The following BRINP3 variants were observed in gnomAD, a reference collection of about 807,000 sequenced individuals.
BRINP3 encodes the protein BMP/retinoic acid inducible neural specific 3.
In BRINP3, 19 loss-of-function variants were observed where a neutral mutation model predicts 71.0. The ratio of observed to expected loss-of-function variants is 0.27; its 90% confidence interval spans 0.19 to 0.39. The LOEUF (loss-of-function observed/expected upper bound fraction) is 0.39, where lower values mean the gene tolerates loss of function less well. Ranked by LOEUF, BRINP3 falls within the 10% of genes least tolerant of loss-of-function variation. BRINP3 has a pLI of 1.00. For synonymous variants in BRINP3, 380 were observed against 337.7 expected, an observed-to-expected ratio of 1.13 and a Z score of -1.37; for missense variants, 959 against 940.8, an observed-to-expected ratio of 1.02 and a Z score of -0.25.
chr1:190,382,172 A>C (rs554583050), intron 2 of BRINP3, among the ~76,000 whole-genome samples: 10 of 130,714 alleles, frequency 7.7e-5, no homozygotes, highest in African/African-American at 2.5e-4. Flanking sequence ...GACATGAAAT[A>C]CAAAATCAGA....
At chr1:190,331,308 C>G (rs191482311) in intron 2 of BRINP3, among the ~76,000 whole-genome samples, 263 of 151,922 alleles carry the variant, frequency 1.7e-3, no homozygotes, top group Non-Finnish European at 3.0e-3. Flanking sequence ...TGTATGTACC[C>G]AAAGACTTTT....
Position 190,241,966 on chromosome 1 carries a change from C to G in BRINP3, c.619-7489G>C, listed in dbSNP as rs997387129. On this transcript the variant is annotated intron_variant, in intron 4 of 7. Coordinates refer to ENST00000367462, the MANE Select transcript of BRINP3 (RefSeq NM_199051.3). ...AATATTGAGTTTAAAGGTAATTTTA[C>G]CATTTAATATTTTTCCTCTGATAGT... is the stretch of plus-strand genomic sequence containing the variant. Among the ~76,000 whole-genome samples, 9 of 151,440 alleles carry G rather than the reference C, an allele frequency of 5.9e-5. No individual in the cohort carries two copies. The East Asian group carries it at 1.8e-3, about 30-fold the overall frequency.
At chr1:190,170,597 A>G (rs1651929621) in intron 6 of BRINP3, among the ~76,000 whole-genome samples, 1 of 152,180 alleles carries the variant, frequency 6.6e-6, no homozygotes, top group South Asian at 2.1e-4. Context: ...TATGTTTTAC[A>G]ATTCTAAGAC....
intron 6 of BRINP3, among the ~76,000 whole-genome samples, chr1:190,168,940 A>G (rs12080072): frequency 0.021 from 3,196 of 152,186 alleles, 106 homozygotes; most frequent in African/African-American, 0.073. Context: ...TTTTTCTTTC[A>G]TATGTCAGTT....
chr1:190,325,765 T>G (rs917305538), intron 2 of BRINP3, among the ~76,000 whole-genome samples: 1 of 152,116 alleles, frequency 6.6e-6, no homozygotes, highest in Non-Finnish European at 1.5e-5. Flanking sequence ...TCATTTGCAC[T>G]GCCCTTATCC....
chr1:190,234,799 G>A (rs1454650821), intron 4 of BRINP3, among the ~76,000 whole-genome samples: 1 of 152,106 alleles, frequency 6.6e-6, no homozygotes, highest in Non-Finnish European at 1.5e-5. Flanking sequence ...ATGGAAGACA[G>A]CGAGTTCTGA....
intron 4 of BRINP3, among the ~76,000 whole-genome samples, chr1:190,234,933 T>C (rs546315831): frequency 6.6e-6 from 1 of 152,270 alleles, no homozygotes; most frequent in African/African-American, 2.4e-5. Context: ...CCCATTTTTA[T>C]GTTGGCATGA....
At position 190,097,861 on chromosome 1, in the gene BRINP3, A is replaced by T; in HGVS notation, c.*157T>A. The T allele has an allele frequency of 1.3e-6, 1 of 779,652 alleles. No homozygotes were observed. The highest frequency in any genetic ancestry group is 2.0e-6 in the Non-Finnish European group (1 of 495,032). 48.3% of individuals were successfully genotyped at this position (779,652 alleles called of 1,614,324 possible). ...ACTGCTGTATAATATATTCATTGTC[A>T]GCAAGTTCATGTGTGTAAATTGCCA... On this transcript the variant is annotated 3_prime_UTR_variant, in exon 8 of 8. Transcript: ENST00000367462.
chr1:190,166,750 G>A (rs988571383), intron 6 of BRINP3, among the ~76,000 whole-genome samples: 1 of 151,896 alleles, frequency 6.6e-6, no homozygotes. Flanking sequence ...TTAAGATGGG[G>A]TCTCACTCTA....
rs374344704 is a variant in BRINP3 at position 190,226,075 on chromosome 1, G to A, written c.961+7C>T. 6 of 1,546,974 alleles carry A rather than the reference G, an allele frequency of 3.9e-6. No homozygotes were observed. In the African/African-American group the frequency reaches 4.1e-5, roughly 11 times the overall value. On this transcript the variant is annotated splice_region_variant and intron_variant, in intron 6 of 7. Coordinates refer to ENST00000367462, the MANE Select transcript of BRINP3 (RefSeq NM_199051.3). The stretch of plus-strand genomic sequence containing the variant: ...TTAAAAGTGTTATATTAAAATACAT[G>A]TCTTACCTGATTCCTCAAAGTCACT...
At chr1:190,353,834 G>C (rs897980426) in intron 2 of BRINP3, among the ~76,000 whole-genome samples, 51 of 151,878 alleles carry the variant, frequency 3.4e-4, no homozygotes, top group African/African-American at 1.2e-3. Context: ...ACTACCTTTA[G>C]TTTAATGGGG....
chr1:190,237,466 A>C (rs1052030571), intron 4 of BRINP3, among the ~76,000 whole-genome samples: 4 of 151,966 alleles, frequency 2.6e-5, no homozygotes, highest in African/African-American at 9.7e-5. Flanking sequence ...CAAAACACAG[A>C]ATAGCAGTTT....
At chr1:190,357,420 T>C (rs1376757451) in intron 2 of BRINP3, among the ~76,000 whole-genome samples, 28 of 151,978 alleles carry the variant, frequency 1.8e-4, no homozygotes, top group Admixed American at 1.8e-3. Context: ...TGATAGAAAA[T>C]TTTGATTATT....
intron 7 of BRINP3, among the ~76,000 whole-genome samples, chr1:190,110,873 A>G (rs1466203342): frequency 2.0e-5 from 3 of 152,184 alleles, no homozygotes; most frequent in Non-Finnish European, 4.4e-5. Flanking sequence ...ATCACAATCT[A>G]TGATTCTTCT....
At chr1:190,191,333 T>C (rs1280223331) in intron 6 of BRINP3, among the ~76,000 whole-genome samples, 1 of 151,988 alleles carries the variant, frequency 6.6e-6, no homozygotes, top group Non-Finnish European at 1.5e-5. Context: ...AACGTGCAGG[T>C]TTGTTACACA....
chr1:190,428,513 G>A (rs1176935936), intron 2 of BRINP3, among the ~76,000 whole-genome samples: 4 of 151,854 alleles, frequency 2.6e-5, no homozygotes, highest in African/African-American at 7.2e-5. Context: ...TACAGAGGTC[G>A]TCTGAAATTT....
chr1:190,151,522 T>C (rs1656391190), intron 7 of BRINP3, among the ~76,000 whole-genome samples: 1 of 151,984 alleles, frequency 6.6e-6, no homozygotes, highest in African/African-American at 2.4e-5. Context: ...AAAAGAAGAG[T>C]CTCACTTAAA....
intron 7 of BRINP3, among the ~76,000 whole-genome samples, chr1:190,157,602 G>C (rs553862120): frequency 1.3e-5 from 2 of 152,030 alleles, no homozygotes; most frequent in South Asian, 2.1e-4. Context: ...TGTATTACAT[G>C]GTTTTCAAAT....
intron 6 of BRINP3, among the ~76,000 whole-genome samples, chr1:190,224,934 CA>C (rs1345241034): frequency 6.6e-6 from 1 of 151,788 alleles, no homozygotes; most frequent in Non-Finnish European, 1.5e-5. Context: ...AAATGCAAGT[CA>C]AAACTACAAT....
Sources: allele counts gnomAD v4.1 joint callset (sites outside exome capture counted in the v4.1 genomes callset), GRCh38; gene constraint gnomAD v4.1.1; transcripts MANE v1.5; gene names NCBI Gene and HGNC (gene_info 2026-07-23, HGNC 2026-07-21).